ACYP2: variants seen among roughly 807,000 people sequenced by gnomAD.
ACYP2 encodes acylphosphatase-2.
In ACYP2, 12 loss-of-function variants were observed where a neutral mutation model predicts 11.2. The ratio of observed to expected loss-of-function variants is 1.08; its 90% CI spans 0.69 to 1.74. The LOEUF is 1.74. ACYP2 is among the 40% of genes most tolerant of loss of function. The pLI is 0.00. For synonymous variants in ACYP2, 43 were observed against 32.2 expected, an observed-to-expected ratio of 1.33 and a Z score of -1.13; for missense variants, 134 against 101.9, an observed-to-expected ratio of 1.31 and a Z score of -1.35.
At chr2:54,287,814 G>A (rs843727) in intron 6 of ACYP2, among the ~76,000 whole-genome samples, 1 of 151,652 alleles carries the variant, frequency 6.6e-6, no homozygotes, top group Non-Finnish European at 1.5e-5. Flanking sequence ...CAAAGATGAG[G>A]TTTCCCTGTT....
intron 2 of ACYP2, among the ~76,000 whole-genome samples, chr2:53,990,630 CAA>C (rs1672242263): frequency 2.3e-5 from 2 of 86,170 alleles, no homozygotes; most frequent in African/African-American, 4.8e-5. Flanking sequence ...GCCTGGGAGA[CAA>C]GAGCAAAACT....
chr2:54,051,178 ACT>A, intron 3 of ACYP2: 1 of 717,170 alleles, frequency 1.4e-6, no homozygotes, highest in South Asian at 1.6e-5. Context: ...GCATTGGGCG[ACT>A]CTGCCTCACT....
chr2:54,127,758 A>G (rs1330450123), intron 4 of ACYP2, among the ~76,000 whole-genome samples: 8 of 150,938 alleles, frequency 5.3e-5, no homozygotes, highest in African/African-American at 1.7e-4. Context: ...CTCAAAAAAA[A>G]AAAAAAAAAA....
intron 6 of ACYP2, among the ~76,000 whole-genome samples, chr2:54,264,254 G>A (rs1256002521): frequency 1.3e-5 from 2 of 152,174 alleles, no homozygotes; most frequent in African/African-American, 2.4e-5. Flanking sequence ...GACCCAAAGA[G>A]TGAGCAGCAG....
intron 6 of ACYP2, among the ~76,000 whole-genome samples, chr2:54,167,379 C>G (rs1409224380): frequency 6.6e-6 from 1 of 152,174 alleles, no homozygotes; most frequent in African/African-American, 2.4e-5. Context: ...CATTTATAAT[C>G]ATATCTGAAA....
intron 4 of ACYP2, among the ~76,000 whole-genome samples, chr2:54,094,448 C>G (rs987875778): frequency 2.0e-5 from 3 of 151,876 alleles, no homozygotes; most frequent in African/African-American, 7.3e-5. Context: ...AGGCTGGTCT[C>G]GAACTCCTGA....
chr2:54,238,876 C>CA (rs1360974005), intron 6 of ACYP2, among the ~76,000 whole-genome samples: 4 of 151,256 alleles, frequency 2.6e-5, no homozygotes, highest in East Asian at 3.9e-4. Flanking sequence ...CTACCAACCA[C>CA]AAAAAAATAG....
intron 6 of ACYP2, among the ~76,000 whole-genome samples, chr2:54,304,412 T>C (rs1005073632): frequency 6.6e-6 from 1 of 152,118 alleles, no homozygotes; most frequent in Non-Finnish European, 1.5e-5. Flanking sequence ...CTTGGAGTGT[T>C]TTAAGTTGGC....
intron 6 of ACYP2, among the ~76,000 whole-genome samples, chr2:54,157,636 A>G (rs1013847620): frequency 6.6e-6 from 1 of 152,254 alleles, no homozygotes; most frequent in Non-Finnish European, 1.5e-5. Flanking sequence ...CCAAGAAATA[A>G]GGTTTAATTT....
chr2:54,039,819 T>TTGTGTG (rs751604890), intron 2 of ACYP2, among the ~76,000 whole-genome samples: 15,909 of 126,442 alleles, frequency 0.13, 1,118 homozygotes, highest in Non-Finnish European at 0.14. Context: ...TTGTTTTCTT[T>TTGTGTG]TGTGTGTGTG....
rs1326165242 is a variant in ACYP2, at chr2:54,165,533, T to TCACACACACA, written c.404+26786_404+26787insACACACACAC. Among the ~76,000 whole-genome samples the TCACACACACA allele has an allele frequency of 3.2e-4, 40 of 123,744 alleles. 1 individual carries two copies. The highest frequency in any genetic ancestry group is 1.3e-3 in the African/African-American group (39 of 31,012). The allele number at this position is 123,744 out of a possible 152,430, so 81.2% of individuals were successfully genotyped here. ...CTCTTTCACTCTCTCTCTCTCTCTC[T>TCACACACACA]CTCACACACACACACACACACACAC... On this transcript the variant is annotated intron_variant, in intron 6 of 6. Coordinates refer to ENST00000607452, the MANE Select transcript of ACYP2 (RefSeq NM_001320586.2).
chr2:54,090,000 G>A (rs1678139600), intron 4 of ACYP2, among the ~76,000 whole-genome samples: 1 of 151,696 alleles, frequency 6.6e-6, no homozygotes, highest in Non-Finnish European at 1.5e-5. Flanking sequence ...ACCAAAATTA[G>A]CAGGGCATGG....
intron 4 of ACYP2, among the ~76,000 whole-genome samples, chr2:54,058,685 C>A (rs1676295930): frequency 1.3e-5 from 2 of 148,634 alleles, no homozygotes; most frequent in South Asian, 4.2e-4. Context: ...TTAGATAAAA[C>A]ATGAGAGGGG....
chr2:54,172,257 TA>T (rs559911141), intron 6 of ACYP2, among the ~76,000 whole-genome samples: 219 of 152,134 alleles, frequency 1.4e-3, no homozygotes, highest in Non-Finnish European at 2.7e-3. Context: ...CCATGGTCAT[TA>T]AAAAAATATG....
At chr2:54,256,184 G>C (rs1287331704) in intron 6 of ACYP2, 2 of 1,581,340 alleles carry the variant, frequency 1.3e-6, no homozygotes, top group African/African-American at 1.4e-5. Context: ...GTGGGTAGAG[G>C]CCAGGCCAGA....
intron 6 of ACYP2, among the ~76,000 whole-genome samples, chr2:54,139,260 C>T (rs915723107): frequency 1.3e-4 from 20 of 152,280 alleles, no homozygotes; most frequent in African/African-American, 4.3e-4. Flanking sequence ...TAGGATGGTT[C>T]GTGAAGTTCT....
intron 6 of ACYP2, among the ~76,000 whole-genome samples, chr2:54,190,014 A>G (rs1188416251): frequency 6.6e-6 from 1 of 152,158 alleles, no homozygotes; most frequent in Non-Finnish European, 1.5e-5. Flanking sequence ...TTTTTGAGAA[A>G]TGTCCATTTA....
chr2:54,028,127 G>T (rs1332102851), intron 2 of ACYP2, among the ~76,000 whole-genome samples: 1 of 152,130 alleles, frequency 6.6e-6, no homozygotes. Flanking sequence ...ATAAGCATGT[G>T]CCACCGTGCC....
intron 6 of ACYP2, among the ~76,000 whole-genome samples, chr2:54,264,471 C>A (rs1687927139): frequency 6.6e-6 from 1 of 152,186 alleles, no homozygotes; most frequent in African/African-American, 2.4e-5. Flanking sequence ...GCTGGCTTCA[C>A]CTCTCAGATC....
Sources: allele counts gnomAD v4.1 joint callset (sites outside exome capture counted in the v4.1 genomes callset), GRCh38; gene constraint gnomAD v4.1.1; transcripts MANE v1.5; gene names NCBI Gene and HGNC (gene_info 2026-07-23, HGNC 2026-07-21).